The following CACNA2D4 variants were observed in gnomAD, a reference collection of about 807,000 sequenced individuals.
CACNA2D4 encodes the protein calcium voltage-gated channel auxiliary subunit alpha2delta 4, also known as voltage-dependent calcium channel subunit alpha-2/delta-4.
CACNA2D4 carries 157 observed loss-of-function variants against 163.8 expected under a neutral mutation model. The ratio of observed to expected loss-of-function variants is 0.96; its 90% CI spans 0.84 to 1.09. The LOEUF is 1.09. CACNA2D4 is among the 50% of genes least tolerant of loss of function. CACNA2D4 has a pLI of 0.00. For missense variants in CACNA2D4, 1,410 were observed against 1,479.9 expected (o/e 0.95, Z 0.78); for synonymous variants, 598 against 586.9 (o/e 1.02, Z -0.27).
chr12:1,847,904 A>T (rs1320564714), intron 23 of CACNA2D4, among the ~76,000 whole-genome samples: 1 of 152,240 alleles, frequency 6.6e-6, no homozygotes, highest in Non-Finnish European at 1.5e-5. Context: ...CACCTTAAAA[A>T]AACCTGACAA....
At position 1,875,313 on chromosome 12, in the gene CACNA2D4, G is replaced by A. The variant is rs767064883; in HGVS notation, c.1744C>T (p.Pro582Ser). 2.5e-6 allele frequency: 4 copies of A among 1,613,746 alleles called. No homozygotes were observed. Among genetic ancestry groups the A allele is most frequent in the East Asian group, 2.2e-5 (1 of 44,876 alleles). Residue 582 changes from proline to serine, a missense_variant, in exon 17 of 38, where the codon CCC (proline) becomes TCC (serine). Coordinates refer to ENST00000382722, the MANE Select transcript of CACNA2D4 (RefSeq NM_172364.5). This position sits in a 1 kb window ranked among gnomAD's most constrained non-coding sequence, Gnocchi z 4.0. Reference sequence around the variant, plus strand: ...TCCACACTGTTGTAGTTAGGTTTGGGTTTTAGTTTCTTCCCCTCTCTGTAC... The same window carrying A: ...TCCACACTGTTGTAGTTAGGTTTGGATTTTAGTTTCTTCCCCTCTCTGTAC... ...PLYREGKKLKPKPNYNSVDLS... is the reference protein window; with the variant it reads ...PLYREGKKLKSKPNYNSVDLS...
chr12:1,890,318 G>T (rs559210362), intron 6 of CACNA2D4, among the ~76,000 whole-genome samples: 1 of 152,242 alleles, frequency 6.6e-6, no homozygotes, highest in African/African-American at 2.4e-5. Context: ...CCTGCCTGGG[G>T]GCCCAACAGC....
intron 2 of CACNA2D4, among the ~76,000 whole-genome samples, chr12:1,913,870 T>C (rs889858071): frequency 3.9e-5 from 6 of 152,238 alleles, no homozygotes; most frequent in African/African-American, 4.8e-5. Context: ...TTTACATAGC[T>C]TTAGTGAATG....
intron 29 of CACNA2D4, among the ~76,000 whole-genome samples, chr12:1,805,624 G>A (rs1418679864): frequency 1.3e-5 from 2 of 152,182 alleles, no homozygotes; most frequent in Non-Finnish European, 2.9e-5. Flanking sequence ...TGGGAGGTAC[G>A]TGGAGGAGCG....
chr12:1,825,204 T>A (rs1169774636), intron 26 of CACNA2D4, among the ~76,000 whole-genome samples: 1 of 152,134 alleles, frequency 6.6e-6, no homozygotes, highest in African/African-American at 2.4e-5. Context: ...GCTGGTTAAC[T>A]CCTGGGCTCA....
intron 26 of CACNA2D4, among the ~76,000 whole-genome samples, chr12:1,817,866 T>G (rs766271036): frequency 6.6e-6 from 1 of 151,920 alleles, no homozygotes; most frequent in Non-Finnish European, 1.5e-5. Flanking sequence ...TGCCTTGGCC[T>G]CCCAAAGTGC....
Position 1,799,872 on chromosome 12 carries a change from G to GA in CACNA2D4, c.2974+127dup. The GA allele has an allele frequency of 7.9e-7, 1 of 1,260,490 alleles. No homozygotes were observed. The highest frequency in any genetic ancestry group is 1.1e-6 in the Non-Finnish European group (1 of 889,504). The allele number at this position is 1,260,490 out of a possible 1,614,324, so 78.1% of individuals were successfully genotyped here. A position where few individuals can be genotyped will look rare whatever the true frequency, so the allele number is the denominator to read the frequency against. On this transcript the variant is annotated intron_variant, in intron 33 of 37. Transcript: ENST00000382722. The surrounding 1 kb of genome is among the most constrained non-coding windows in gnomAD (Gnocchi z 4.7). ...GATGAGAGAAGGCCACGCAGGGTGA[G>GA]ATGTGAACAACGATGCTTCAGGGTC...
chr12:1,831,237 C>A, intron 26 of CACNA2D4: 1 of 1,613,816 alleles, frequency 6.2e-7, no homozygotes, highest in South Asian at 1.1e-5. Flanking sequence ...GCTTCAGCTG[C>A]GCAATAACAG....
At chr12:1,854,107 C>A (rs1469430983) in intron 22 of CACNA2D4, 63 bp from the exon 23 acceptor site, 3 of 1,228,856 alleles carry the variant, frequency 2.4e-6, no homozygotes, top group African/African-American at 1.5e-5. Flanking sequence ...ACACAACTCT[C>A]CCATCCTAAG....
chr12:1,818,092 C>T (rs1258969750), intron 26 of CACNA2D4, among the ~76,000 whole-genome samples: 4 of 150,328 alleles, frequency 2.7e-5, no homozygotes, highest in Non-Finnish European at 3.0e-5. Context: ...GCCTCTGCCC[C>T]ACCGCCCCGT....
chr12:1,810,730 T>TGTGTGGGGTGTGG (rs1863678483), intron 27 of CACNA2D4, 143 bp from the exon 28 acceptor site: 1 of 801,566 alleles, frequency 1.2e-6, no homozygotes, highest in Non-Finnish European at 2.1e-6. Context: ...GGAGGGCACC[T>TGTGTGGGGTGTGG]GTGTGGGGTG....
rs555700156 is a variant in CACNA2D4, at chr12:1,914,910, C to T, written c.253G>A (p.Gly85Ser). Reference protein sequence around the residue: ...ETVKLWADTFGGDLYNTVTKY... With the variant: ...ETVKLWADTFSGDLYNTVTKY... ...GTCACAGTGTTATACAGGTCCCCGC[C>T]GAAGGTGTCAGCCCATAGCTTCACT... The change falls in exon 2 of 38, where the codon GGC (glycine) becomes AGC (serine). Residue 85 changes from glycine (G) to serine (S), a missense_variant. Coordinates refer to ENST00000382722, the MANE Select transcript of CACNA2D4 (RefSeq NM_172364.5). The T allele has an allele frequency of 1.6e-5, 26 of 1,613,686 alleles. No homozygotes were observed. Among genetic ancestry groups the T allele is most frequent in the South Asian group, 4.4e-5 (4 of 91,078 alleles).
Position 1,820,698 on chromosome 12 carries a change from T to G in CACNA2D4, c.2552-8975A>C, listed in dbSNP as rs1399462272. On this transcript the variant is annotated intron_variant, in intron 26 of 37. Coordinates refer to ENST00000382722, the MANE Select transcript of CACNA2D4 (RefSeq NM_172364.5). This position sits in a 1 kb window ranked among gnomAD's most constrained non-coding sequence, Gnocchi z 6.0. Reference sequence around the variant, plus strand: ...CGCTGAGTGGAGACTCTGGCACCAGTGCCCACTGCGCTCTGCCTGCCGGTG... The same window carrying G: ...CGCTGAGTGGAGACTCTGGCACCAGGGCCCACTGCGCTCTGCCTGCCGGTG... 1 of 152,344 alleles carries G rather than the reference T, an allele frequency of 6.6e-6. No individual in the cohort carries two copies. The highest frequency in any genetic ancestry group is 1.5e-5 in the Non-Finnish European group (1 of 68,090). The allele number at this position is 152,344 out of a possible 1,614,324, so 9.4% of individuals were successfully genotyped here. A position where few individuals can be genotyped will look rare whatever the true frequency, so the allele number is the denominator to read the frequency against.
rs774802712 is a variant in CACNA2D4, at chr12:1,907,868, C to T, written c.649+7G>A. 2 of 1,613,864 alleles carry T rather than the reference C, an allele frequency of 1.2e-6. No homozygotes were observed. The highest frequency in any genetic ancestry group is 1.7e-6 in the Non-Finnish European group (2 of 1,179,844). ...GTGAGTGTGCCTGAGCTGAGCGTGC[C>T]GGCTACCTTTGTTGTACACGTTGGT... On this transcript the variant is annotated splice_region_variant and intron_variant, in intron 5 of 37. Coordinates refer to ENST00000382722, the MANE Select transcript of CACNA2D4 (RefSeq NM_172364.5).
At chr12:1,862,106 T>C (rs1865538299) in intron 18 of CACNA2D4, among the ~76,000 whole-genome samples, 1 of 152,234 alleles carries the variant, frequency 6.6e-6, no homozygotes, top group African/African-American at 2.4e-5. Context: ...CACGGCCCAG[T>C]ATGCTTCTAC....
Position 1,811,072 on chromosome 12 carries a change from A to T in CACNA2D4, c.2614-485T>A, listed in dbSNP as rs73593719. 5.6e-3 allele frequency among the ~76,000 whole-genome samples: 856 copies of T among 152,306 alleles called. 5 individuals are homozygous for T. Among genetic ancestry groups the T allele is most frequent in the African/African-American group, 0.019 (781 of 41,562 alleles). ...GGGTGACCGCAGCCCCCTGCCCTCC[A>T]TCCCTCTCGATTCACTCTTGGGCTC... On this transcript the variant is annotated intron_variant, in intron 27 of 37. Coordinates refer to ENST00000382722, the MANE Select transcript of CACNA2D4 (RefSeq NM_172364.5).
rs1294514222 is a variant in CACNA2D4, at chr12:1,818,477, C to T, written c.2552-6754G>A. ...TGTTGATCTGTGACCTTACTCCCAA[C>T]CCTGTGCTCACTGAAACATGTGCTG... is the stretch of plus-strand genomic sequence containing the variant. On this transcript the variant is annotated intron_variant, in intron 26 of 37. Transcript: ENST00000382722. Among the ~76,000 whole-genome samples the T allele has an allele frequency of 2.6e-5, 4 of 151,982 alleles. No homozygotes were observed. The East Asian group carries it at 7.7e-4, about 29-fold the overall frequency.
chr12:1,801,007 G>T, intron 31 of CACNA2D4, 36 bp downstream of exon 31: 2 of 1,593,678 alleles, frequency 1.3e-6, no homozygotes, highest in Non-Finnish European at 1.7e-6. Flanking sequence ...GGACTGGCTG[G>T]CTGGCTGGCA....
chr12:1,854,124 G>A, intron 22 of CACNA2D4, 80 bp from the exon 23 acceptor site: 5 of 1,030,540 alleles, frequency 4.9e-6, no homozygotes, highest in South Asian at 1.7e-5. Flanking sequence ...TAAGTTCAGG[G>A]AGAAGATGTG....
Sources: gnomAD v4.1 joint callset for allele counts (sites outside exome capture counted in the v4.1 genomes callset) on GRCh38, gnomAD v4.1.1 for gene constraint, Gnocchi (gnomAD v3.1) non-coding constraint, MANE v1.5 for transcripts, NCBI Gene and HGNC (gene_info 2026-07-23, HGNC 2026-07-21) for gene names.